Variants in ADGRG4 observed in about 807,000 individuals in gnomAD.
ADGRG4 encodes the protein adhesion G protein-coupled receptor G4, also known as G protein-coupled receptor 112.
Under a neutral mutation model 126.2 loss-of-function variants are expected in ADGRG4, and 122 were observed. The ratio of observed to expected loss-of-function variants is 0.97; its 90% confidence interval spans 0.83 to 1.12. The LOEUF (loss-of-function observed/expected upper bound fraction) is 1.12, where lower values mean the gene tolerates loss of function less well. Among genes scored for constraint, ADGRG4 ranks in the 50% most tolerant of loss-of-function variants. The pLI is 0.00. For synonymous variants in ADGRG4, 943 were observed against 838.7 expected, an observed-to-expected ratio of 1.12 and a Z score of -2.15; for missense variants, 2,481 against 2,251.8, an observed-to-expected ratio of 1.10 and a Z score of -2.06.
chrX:136,325,962 C>T (rs1216755444), intron 5 of ADGRG4, among the ~76,000 whole-genome samples: 1 of 111,832 alleles, frequency 8.9e-6, no homozygotes, highest in Non-Finnish European at 1.9e-5. Context: ...CTGCCTGCCT[C>T]GCCCTCCCAG....
At chrX:136,305,772 G>A (rs977322761) in intron 3 of ADGRG4, among the ~76,000 whole-genome samples, 8 of 111,959 alleles carry the variant, frequency 7.1e-5, no homozygotes, top group Non-Finnish European at 1.3e-4. Flanking sequence ...AAGTAAACAA[G>A]TACCCTTTTA....
In ADGRG4 at chrX:136,346,992, G is replaced by T. The variant is rs963410654; in HGVS notation, c.3286G>T (p.Val1096Phe). ...CACTTCAGAGGCCACGGTAATCTCT[G>T]TCAGGAAGACATCCATGGCAGTTCC... is the stretch of plus-strand genomic sequence containing the variant. Reference protein sequence around the residue: ...RTTSEATVISVRKTSMAVPSL... With the variant: ...RTTSEATVISFRKTSMAVPSL... Residue 1096 changes from valine to phenylalanine, a missense_variant, in exon 6 of 26, where the codon GTC becomes TTC. By Grantham distance (50) the Val-to-Phe change is conservative. Transcript: ENST00000394143. The T allele has an allele frequency of 2.5e-6, 3 of 1,210,338 alleles. No homozygotes were observed. Among genetic ancestry groups the T allele is most frequent in the Non-Finnish European group, 3.4e-6 (3 of 894,373 alleles).
chrX:136,408,103 G>A (rs967911775), intron 23 of ADGRG4, among the ~76,000 whole-genome samples: 3 of 112,013 alleles, frequency 2.7e-5, no homozygotes, highest in Admixed American at 9.5e-5. Context: ...AGGCAATTTC[G>A]AGCTTATAAA....
intron 15 of ADGRG4, among the ~76,000 whole-genome samples, chrX:136,380,604 C>CTCT (rs1219064272): frequency 0.061 from 3,397 of 55,255 alleles, 173 homozygotes; most frequent in Middle Eastern, 0.098. Context: ...CCTCCTCCTC[C>CTCT]TCTTCTTCTT....
At chrX:136,307,022 T>A (rs943308010) in intron 3 of ADGRG4, among the ~76,000 whole-genome samples, 1 of 112,129 alleles carries the variant, frequency 8.9e-6, no homozygotes, top group East Asian at 2.8e-4. Flanking sequence ...CCTTTATTCC[T>A]TTTAATGGTT....
intron 5 of ADGRG4, among the ~76,000 whole-genome samples, chrX:136,339,342 C>T (rs2074966226): frequency 9.0e-6 from 1 of 111,608 alleles, no homozygotes; most frequent in Non-Finnish European, 1.9e-5. Context: ...CGAGGAAAAC[C>T]TTGGGTTGGC....
intron 5 of ADGRG4, among the ~76,000 whole-genome samples, chrX:136,341,630 T>A (rs770407897): frequency 2.7e-5 from 3 of 112,388 alleles, no homozygotes; most frequent in Non-Finnish European, 5.6e-5. Context: ...CCTAACATAA[T>A]GTGCATCTGT....
intron 15 of ADGRG4, among the ~76,000 whole-genome samples, chrX:136,380,210 A>T (rs2075251409): frequency 9.1e-6 from 1 of 110,009 alleles, no homozygotes; most frequent in African/African-American, 3.3e-5. Context: ...GACATGTAAA[A>T]TCTATTCTTA....
At chrX:136,405,222 T>C (rs780546384) in intron 22 of ADGRG4, among the ~76,000 whole-genome samples, 3 of 110,453 alleles carry the variant, frequency 2.7e-5, no homozygotes, top group African/African-American at 9.9e-5. Context: ...AGAAAATCCA[T>C]TCATTGCTCA....
chrX:136,353,514 T>C, intron 8 of ADGRG4, 113 bp downstream of exon 8: 1 of 525,347 alleles, frequency 1.9e-6, no homozygotes, highest in East Asian at 3.5e-5. Flanking sequence ...GCTGCCACAT[T>C]TTTAGTTGCA....
intron 25 of ADGRG4, among the ~76,000 whole-genome samples, chrX:136,415,985 A>T (rs1015434220): frequency 7.1e-5 from 8 of 112,144 alleles, no homozygotes; most frequent in Admixed American, 3.8e-4. Context: ...GGGTCCTTCC[A>T]TTGTACTAGT....
In ADGRG4 at chrX:136,349,505, T is replaced by A. The variant is rs149526273; in HGVS notation, c.5799T>A (p.Asp1933Glu). The change falls in exon 6 of 26, where the codon GAT (aspartate) becomes GAA (glutamate). Residue 1933 changes from aspartate (D) to glutamate (E), a missense_variant. Asp to Glu is a conservative substitution (Grantham distance 45). Coordinates refer to ENST00000394143, the MANE Select transcript of ADGRG4 (RefSeq NM_153834.4). ...TASQTGLVSKDVMAMSSIPMS... is the reference protein window; with the variant it reads ...TASQTGLVSKEVMAMSSIPMS... ...CTCAGACTGGTCTAGTATCTAAAGA[T>A]GTCATGGCAATGTCATCAATTCCTA... The A allele has an allele frequency of 6.9e-4, 834 of 1,203,445 alleles. 2 individuals carry two copies. Among genetic ancestry groups the A allele is most frequent in the Non-Finnish European group, 6.1e-4 (546 of 889,281 alleles).
rs1254745763 is a variant in ADGRG4, at chrX:136,304,215, T to C, written c.-179+8T>C. 8.9e-6 allele frequency: 1 copy of C among 112,068 alleles called. No homozygotes were observed. The highest frequency in any genetic ancestry group is 1.9e-5 in the Non-Finnish European group (1 of 53,216). 9.2% of individuals were successfully genotyped at this position (112,068 alleles called of 1,213,427 possible). A position where few individuals can be genotyped will look rare whatever the true frequency, so the allele number is the denominator to read the frequency against. On this transcript the variant is annotated splice_region_variant and intron_variant, in intron 2 of 25. Coordinates refer to ENST00000394143, the MANE Select transcript of ADGRG4 (RefSeq NM_153834.4). Reference sequence around the variant, plus strand: ...CCGTTGAAGCCCTCCCAGGTGACAATTGTTTTCCTGACAAAAGAGTTCCAA... The same window carrying C: ...CCGTTGAAGCCCTCCCAGGTGACAACTGTTTTCCTGACAAAAGAGTTCCAA...
chrX:136,416,638 C>T lies in ADGRG4; in HGVS notation c.*147C>T. On this transcript the variant is annotated 3_prime_UTR_variant, in exon 26 of 26. Transcript: ENST00000394143. ...AATGTACTCATGTAACCAAATGCTA[C>T]CTGTTCCACCAAAACCTATGGAAAT... 4 of 356,403 alleles carry T rather than the reference C, an allele frequency of 1.1e-5. No individual in the cohort carries two copies. The highest frequency in any genetic ancestry group is 4.6e-5 in the East Asian group (1 of 21,769). The allele number at this position is 356,403 out of a possible 1,213,427, so 29.4% of individuals were successfully genotyped here.
intron 9 of ADGRG4, among the ~76,000 whole-genome samples, 169 bp from the exon 10 acceptor site, chrX:136,357,535 T>C (rs1292901767): frequency 9.0e-6 from 1 of 111,509 alleles, no homozygotes; most frequent in African/African-American, 3.3e-5. Flanking sequence ...CCCTACAGGG[T>C]TGGTGTGAGG....
In ADGRG4 at chrX:136,323,099, G is replaced by T. The variant is rs776271597; in HGVS notation, c.392G>T (p.Gly131Val). Residue 131 changes from glycine to valine, a missense_variant, in exon 5 of 26, where the codon GGC becomes GTC. Gly to Val is a moderately radical substitution (Grantham distance 109, BLOSUM62 -3). Coordinates refer to ENST00000394143, the MANE Select transcript of ADGRG4 (RefSeq NM_153834.4). ...TICLIWDGVKGKLELFLNKER... is the reference protein window; with the variant it reads ...TICLIWDGVKVKLELFLNKER... ...TGCTTGATATGGGATGGTGTGAAGG[G>T]CAAATTAGAACTCTTCCTGAATAAA... The T allele has an allele frequency of 1.1e-5, 13 of 1,209,477 alleles. No homozygotes were observed. The Admixed American group carries it at 2.8e-4, about 26-fold the overall frequency.
rs2075477777 is a variant in ADGRG4, at chrX:136,416,747, A to T, written c.*256A>T. 1 of 247,430 alleles carries T rather than the reference A, an allele frequency of 4.0e-6. No homozygotes were observed. Among genetic ancestry groups the T allele is most frequent in the African/African-American group, 2.8e-5 (1 of 35,296 alleles). The allele number at this position is 247,430 out of a possible 1,213,427, so 20.4% of individuals were successfully genotyped here. A position where few individuals can be genotyped will look rare whatever the true frequency, so the allele number is the denominator to read the frequency against. ...ACAGAATTTTTCAATAAATCCCAGT[A>T]GAGATACTTGCCTCCTCCCAACCCC... On this transcript the variant is annotated 3_prime_UTR_variant, in exon 26 of 26. Coordinates refer to ENST00000394143, the MANE Select transcript of ADGRG4 (RefSeq NM_153834.4).
intron 15 of ADGRG4, 81 bp downstream of exon 15, chrX:136,373,145 A>T: frequency 1.1e-6 from 1 of 899,129 alleles, no homozygotes; most frequent in Non-Finnish European, 1.5e-6. Flanking sequence ...TGGGAGAGAG[A>T]GGGCACTCCG....
rs1293717774 is a variant in ADGRG4 at position 136,344,944 on chromosome X, C to T, written c.1238C>T (p.Ser413Phe). The T allele has an allele frequency of 8.3e-7, 1 of 1,207,283 alleles. No homozygotes were observed. The highest frequency in any genetic ancestry group is 3.0e-5 in the East Asian group (1 of 33,768). The part of the protein sequence containing the change: ...LFSTIESTSM[S>F]TTPCLKQKST... ...TCAACTATTGAGTCAACATCTATGT[C>T]TACAACACCTTGTCTCAAACAAAAA... is the stretch of plus-strand genomic sequence containing the variant. The change falls in exon 6 of 26, where the codon TCT becomes TTT. Residue 413 changes from serine (S) to phenylalanine (F), a missense_variant. Coordinates refer to ENST00000394143, the MANE Select transcript of ADGRG4 (RefSeq NM_153834.4).
Sources: gnomAD v4.1 joint callset for allele counts (sites outside exome capture counted in the v4.1 genomes callset) on GRCh38, gnomAD v4.1.1 for gene constraint, MANE v1.5 for transcripts, NCBI Gene and HGNC (gene_info 2026-07-23, HGNC 2026-07-21) for gene names.